SEMA6D: variants seen among roughly 807,000 people sequenced by gnomAD.
SEMA6D encodes the protein semaphorin 6D.
Under a neutral mutation model 106.6 loss-of-function variants are expected in SEMA6D, and 35 were observed. The observed-to-expected ratio is 0.33, with a 90% CI of 0.25 to 0.44. SEMA6D has a LOEUF of 0.44. SEMA6D is among the 20% of genes least tolerant of loss of function. The pLI, the probability that SEMA6D is intolerant of heterozygous loss-of-function variation, is 1.00. For synonymous variants in SEMA6D, 499 were observed against 487.7 expected (o/e 1.02, Z -0.31); for missense variants, 1,185 against 1,345.9 (o/e 0.88, Z 1.87).
intron 17 of SEMA6D, chr15:47,767,345 T>A: frequency 3.0e-6 from 1 of 332,636 alleles, no homozygotes; most frequent in Non-Finnish European, 5.4e-6. Context: ...TAGACTGCAT[T>A]CCAGCTGCAC....
At chr15:47,256,858 C>CA (rs1272597944) in intron 1 of SEMA6D, among the ~76,000 whole-genome samples, 1 of 151,254 alleles carries the variant, frequency 6.6e-6, no homozygotes, top group Non-Finnish European at 1.5e-5. Flanking sequence ...GATTCTGTCC[C>CA]AAAAAATAAA....
chr15:47,694,134 C>T (rs926777943), intron 4 of SEMA6D, among the ~76,000 whole-genome samples: 1 of 147,312 alleles, frequency 6.8e-6, no homozygotes, highest in Non-Finnish European at 1.5e-5. Flanking sequence ...TCTTCGGCCC[C>T]ACAAACAGAG....
At chr15:47,710,141 G>A (rs1351080028) in intron 4 of SEMA6D, among the ~76,000 whole-genome samples, 1 of 152,206 alleles carries the variant, frequency 6.6e-6, no homozygotes, top group African/African-American at 2.4e-5. Context: ...ATGAGGAACT[G>A]AAATAGAGGC....
At position 47,772,803 on chromosome 15, in the gene SEMA6D, C is replaced by CCCG. The variant is rs878977249; in HGVS notation, c.*1020_*1021insGCC. The CCCG allele has an allele frequency of 3.4e-5, 2 of 58,208 alleles. No individual in the cohort carries two copies. The highest frequency in any genetic ancestry group is 2.1e-4 in the African/African-American group (2 of 9,476). The allele number at this position is 58,208 out of a possible 1,614,324, so 3.6% of individuals were successfully genotyped here. On this transcript the variant is annotated 3_prime_UTR_variant, in exon 19 of 19. Coordinates refer to ENST00000536845, the MANE Select transcript of SEMA6D (RefSeq NM_001358351.3). ...GGTTTTATTTTGATTGTGTTCGTTTCCCCCCCCCCAATAGTAAAATTTCTC... is the reference window on the plus strand; with the variant it reads ...GGTTTTATTTTGATTGTGTTCGTTTCCCGCCCCCCCCCAATAGTAAAATTTCTC...
At chr15:47,526,809 T>C (rs536584977) in intron 3 of SEMA6D, among the ~76,000 whole-genome samples, 16 of 152,270 alleles carry the variant, frequency 1.1e-4, no homozygotes, top group African/African-American at 3.9e-4. Context: ...TGATCTCCGC[T>C]AACTGCAACC....
At chr15:47,301,178 T>C (rs1156593167) in intron 1 of SEMA6D, among the ~76,000 whole-genome samples, 4 of 152,206 alleles carry the variant, frequency 2.6e-5, no homozygotes, top group African/African-American at 9.6e-5. Context: ...TTTTAGGTGG[T>C]TGGAGTCAGC....
intron 1 of SEMA6D, among the ~76,000 whole-genome samples, chr15:47,321,738 C>G (rs571845709): frequency 6.6e-6 from 1 of 152,188 alleles, no homozygotes; most frequent in African/African-American, 2.4e-5. Flanking sequence ...ATGTCTAAAA[C>G]TTCTTTAGCT....
chr15:47,586,776 C>T (rs2076347468), intron 3 of SEMA6D, among the ~76,000 whole-genome samples: 1 of 152,094 alleles, frequency 6.6e-6, no homozygotes, highest in Non-Finnish European at 1.5e-5. Flanking sequence ...AGTTCCACCC[C>T]CCACCCCACC....
intron 1 of SEMA6D, among the ~76,000 whole-genome samples, chr15:47,246,723 A>C (rs1566948896): frequency 6.6e-6 from 1 of 152,186 alleles, no homozygotes. Context: ...CCACCCAGAT[A>C]ATCTAGAATA....
intron 1 of SEMA6D, among the ~76,000 whole-genome samples, chr15:47,272,265 G>C (rs538304720): frequency 1.8e-4 from 27 of 152,298 alleles, no homozygotes; most frequent in African/African-American, 6.5e-4. Context: ...TTACTACTAA[G>C]TACTAAAACT....
Position 47,649,857 on chromosome 15 carries a change from T to TA in SEMA6D, c.-55+48961_-55+48962insA, listed in dbSNP as rs533900313. 3.3e-3 allele frequency among the ~76,000 whole-genome samples: 502 copies of TA among 152,316 alleles called. 1 individual carries two copies. Among genetic ancestry groups the TA allele is most frequent in the Non-Finnish European group, 5.3e-3 (363 of 68,026 alleles). ...CAAAATGAAAAGTGAGGGCTAATAG[T>TA]GTACTCTTAAAACTTCTCAACTAGC... On this transcript the variant is annotated intron_variant, in intron 4 of 19. Transcript: ENST00000558014.
At chr15:47,616,081 C>G (rs893251106) in intron 4 of SEMA6D, among the ~76,000 whole-genome samples, 1 of 152,084 alleles carries the variant, frequency 6.6e-6, no homozygotes, top group African/African-American at 2.4e-5. Context: ...AGTATGATTA[C>G]GTCTTATTTG....
chr15:47,238,445 A>G (rs776348552), intron 1 of SEMA6D, among the ~76,000 whole-genome samples: 13 of 152,094 alleles, frequency 8.5e-5, no homozygotes, highest in Non-Finnish European at 1.5e-4. Context: ...TTTCTCACAT[A>G]TAGCAGAAAC....
At chr15:47,465,517 C>A (rs1433352036) in intron 2 of SEMA6D, among the ~76,000 whole-genome samples, 1 of 152,142 alleles carries the variant, frequency 6.6e-6, no homozygotes, top group Non-Finnish European at 1.5e-5. Flanking sequence ...TGTCCCCACC[C>A]AAATCTCAAG....
At chr15:47,276,238 G>T (rs557473871) in intron 1 of SEMA6D, among the ~76,000 whole-genome samples, 2 of 152,276 alleles carry the variant, frequency 1.3e-5, no homozygotes, top group Admixed American at 6.5e-5. Context: ...ACATCAGCAG[G>T]TTATCCAGAA....
chr15:47,755,651 T>A (rs1055593728), intron 1 of SEMA6D, among the ~76,000 whole-genome samples: 2 of 151,988 alleles, frequency 1.3e-5, no homozygotes, highest in African/African-American at 4.8e-5. Flanking sequence ...TTTTCTCCTC[T>A]TCTAGAGTGT....
At chr15:47,557,602 C>T (rs995715721) in intron 3 of SEMA6D, among the ~76,000 whole-genome samples, 3 of 152,114 alleles carry the variant, frequency 2.0e-5, no homozygotes, top group African/African-American at 7.2e-5. Context: ...TTACTACTCC[C>T]CTCATGAAGC....
At chr15:47,259,563 C>G (rs967987278) in intron 1 of SEMA6D, among the ~76,000 whole-genome samples, 3 of 151,676 alleles carry the variant, frequency 2.0e-5, no homozygotes, top group Admixed American at 2.0e-4. Context: ...TGGTTTTCCC[C>G]CAATAGGTAG....
intron 3 of SEMA6D, among the ~76,000 whole-genome samples, chr15:47,490,825 A>G (rs1044270942): frequency 6.6e-6 from 1 of 152,252 alleles, no homozygotes; most frequent in South Asian, 2.1e-4. Context: ...AGAAAACAGT[A>G]CATATATTTG....
Sources: allele counts gnomAD v4.1 joint callset (sites outside exome capture counted in the v4.1 genomes callset), GRCh38; gene constraint gnomAD v4.1.1; transcripts MANE v1.5; gene names NCBI Gene and HGNC (gene_info 2026-07-23, HGNC 2026-07-21).